The following PRKG1 variants were observed in gnomAD, a reference collection of about 807,000 sequenced individuals.
The protein encoded by PRKG1 is cGMP-dependent protein kinase 1.
In PRKG1, 35 loss-of-function variants were observed where a neutral mutation model predicts 88.1. The observed-to-expected ratio is 0.40, with a 90% confidence interval of 0.30 to 0.53. The LOEUF is 0.53. Ranked by LOEUF, PRKG1 falls within the 20% of genes least tolerant of loss-of-function variation. The pLI, the probability that PRKG1 is intolerant of heterozygous loss-of-function variation, is 0.59. For missense variants in PRKG1, 540 were observed against 839.8 expected, an observed-to-expected ratio of 0.64 and a Z score of 4.41; for synonymous variants, 303 against 292.5, an observed-to-expected ratio of 1.04 and a Z score of -0.37.
At chr10:51,998,547 GT>G (rs1445286805) in intron 5 of PRKG1, among the ~76,000 whole-genome samples, 2 of 151,926 alleles carry the variant, frequency 1.3e-5, no homozygotes, top group Non-Finnish European at 2.9e-5. Flanking sequence ...CCAACAGCCT[GT>G]TTTTTCAGGG....
In PRKG1 at chr10:51,236,651, C is replaced by T. The variant is rs573462812; in HGVS notation, c.478+83321C>T. Among the ~76,000 whole-genome samples the T allele has an allele frequency of 1.1e-3, 169 of 151,924 alleles. 1 individual carries two copies. Among genetic ancestry groups the T allele is most frequent in the African/African-American group, 3.5e-3 (147 of 41,412 alleles). On this transcript the variant is annotated intron_variant, in intron 2 of 17. Coordinates refer to ENST00000373980, the MANE Select transcript of PRKG1 (RefSeq NM_006258.4). ...CCGAGCAGCTGAGACTACAGGTGTGCGCCACCATGCCCAGCTAATTTTTGT... is the reference window on the plus strand; with the variant it reads ...CCGAGCAGCTGAGACTACAGGTGTGTGCCACCATGCCCAGCTAATTTTTGT...
intron 3 of PRKG1, among the ~76,000 whole-genome samples, chr10:51,605,328 A>G (rs1372402430): frequency 6.6e-6 from 1 of 152,164 alleles, no homozygotes; most frequent in Non-Finnish European, 1.5e-5. Context: ...TTAGGTCCGT[A>G]GGCACAGGCC....
intron 3 of PRKG1, among the ~76,000 whole-genome samples, chr10:51,491,873 G>A (rs1317231061): frequency 6.6e-6 from 1 of 152,062 alleles, no homozygotes; most frequent in African/African-American, 2.4e-5. Context: ...ACTAAGTCTT[G>A]TAGAAGTCTT....
chr10:51,336,302 G>A (rs745399861), intron 2 of PRKG1, among the ~76,000 whole-genome samples: 5 of 152,002 alleles, frequency 3.3e-5, no homozygotes, highest in Admixed American at 6.5e-5. Context: ...GCAGTGAGTC[G>A]ACATCATGCC....
At chr10:51,491,714 C>T (rs1041893308) in intron 3 of PRKG1, among the ~76,000 whole-genome samples, 6 of 152,094 alleles carry the variant, frequency 3.9e-5, no homozygotes, top group African/African-American at 9.6e-5. Context: ...TGTGAATGAT[C>T]GAGTAATTCA....
At chr10:51,700,584 C>T (rs1841441025) in intron 3 of PRKG1, among the ~76,000 whole-genome samples, 1 of 152,100 alleles carries the variant, frequency 6.6e-6, no homozygotes, top group Non-Finnish European at 1.5e-5. Flanking sequence ...TGTTTCCCCG[C>T]CTGCAATTCG....
At chr10:51,561,996 G>C (rs10998148) in intron 3 of PRKG1, among the ~76,000 whole-genome samples, 22,176 of 151,918 alleles carry the variant, frequency 0.15, 1,771 homozygotes, top group African/African-American at 0.21. Flanking sequence ...GCCAAGGCAG[G>C]CAGATCATCT....
chr10:51,794,924 A>G (rs1353408074), intron 3 of PRKG1, among the ~76,000 whole-genome samples: 1 of 152,104 alleles, frequency 6.6e-6, no homozygotes, highest in African/African-American at 2.4e-5. Context: ...ATATTTATAG[A>G]AAGGAGATAG....
intron 9 of PRKG1, among the ~76,000 whole-genome samples, chr10:52,225,239 G>A (rs1840362654): frequency 6.6e-6 from 1 of 152,072 alleles, no homozygotes; most frequent in Admixed American, 6.6e-5. Context: ...CATTAGTGAT[G>A]TTGAGTATGT....
intron 3 of PRKG1, among the ~76,000 whole-genome samples, chr10:51,577,246 G>A (rs1029412283): frequency 5.9e-5 from 9 of 151,890 alleles, no homozygotes; most frequent in African/African-American, 2.2e-4. Flanking sequence ...TTGTACACTT[G>A]CATCATATTA....
At chr10:52,096,170 C>T (rs1165837593) in intron 7 of PRKG1, among the ~76,000 whole-genome samples, 5 of 152,162 alleles carry the variant, frequency 3.3e-5, no homozygotes, top group African/African-American at 1.2e-4. Context: ...GGTGCTACAT[C>T]TTCTAAGAAT....
intron 5 of PRKG1, among the ~76,000 whole-genome samples, chr10:52,024,317 C>G (rs4517465): frequency 0.15 from 21,878 of 150,786 alleles, 1,911 homozygotes; most frequent in African/African-American, 0.22. Flanking sequence ...ATTTATTTAA[C>G]TTTTTTTTTT....
chr10:51,904,091 T>C (rs1430745236), intron 4 of PRKG1, among the ~76,000 whole-genome samples: 1 of 152,196 alleles, frequency 6.6e-6, no homozygotes, highest in Non-Finnish European at 1.5e-5. Context: ...GGAAAAGCAC[T>C]GCACATTAGA....
intron 4 of PRKG1, among the ~76,000 whole-genome samples, chr10:51,846,914 A>G (rs946173271): frequency 1.3e-5 from 2 of 152,210 alleles, no homozygotes; most frequent in African/African-American, 4.8e-5. Flanking sequence ...TATTTCAGAT[A>G]GCATAAAAAT....
chr10:52,185,442 G>A (rs907501974), intron 9 of PRKG1, among the ~76,000 whole-genome samples: 7 of 152,170 alleles, frequency 4.6e-5, no homozygotes, highest in African/African-American at 1.7e-4. Flanking sequence ...ACCCCCTGTG[G>A]CAGCTGTCAT....
At chr10:51,074,215 A>G, upstream of PRKG1, 1 of 183,116 alleles carries the variant, frequency 5.5e-6, no homozygotes, top group Non-Finnish European at 1.1e-5. Context: ...AGGGACTCTG[A>G]GAGCCCAGCC....
intron 1 of PRKG1, among the ~76,000 whole-genome samples, chr10:50,994,803 A>C (rs1300938759): frequency 3.7e-5 from 4 of 109,408 alleles, no homozygotes; most frequent in African/African-American, 7.8e-5. Context: ...TGAGGATCAA[A>C]ACTATTCAGG....
chr10:51,055,232 T>C (rs1843612202), intron 1 of PRKG1, among the ~76,000 whole-genome samples: 1 of 152,150 alleles, frequency 6.6e-6, no homozygotes, highest in Admixed American at 6.5e-5. Context: ...GGTTTGCTCG[T>C]CCTTGAGTCC....
At chr10:52,101,905 T>A (rs1411932416) in intron 7 of PRKG1, among the ~76,000 whole-genome samples, 3 of 152,016 alleles carry the variant, frequency 2.0e-5, no homozygotes, top group Non-Finnish European at 4.4e-5. Flanking sequence ...AGAAGAGGAG[T>A]CAGCACCAGG....
Sources: allele counts gnomAD v4.1 joint callset (sites outside exome capture counted in the v4.1 genomes callset), GRCh38; gene constraint gnomAD v4.1.1; transcripts MANE v1.5; gene names NCBI Gene and HGNC (gene_info 2026-07-23, HGNC 2026-07-21).